Variants in PCDHA5 observed in about 807,000 individuals in gnomAD.
PCDHA5 encodes protocadherin alpha 5.
In PCDHA5, 43 loss-of-function variants were observed where a neutral mutation model predicts 61.6. That is an observed-to-expected ratio of 0.70 (90% CI 0.55 to 0.90). PCDHA5 has a LOEUF of 0.90. Among genes scored for constraint, PCDHA5 ranks in the 40% least tolerant of loss-of-function variants. PCDHA5 has a pLI of 0.00. For missense variants in PCDHA5, 1,298 were observed against 1,222.7 expected, an observed-to-expected ratio of 1.06 and a Z score of -0.92; for synonymous variants, 627 against 543.9, an observed-to-expected ratio of 1.15 and a Z score of -2.13.
At chr5:140,876,168 C>A in intron 1 of PCDHA5, 5 of 1,613,918 alleles carry the variant, frequency 3.1e-6, no homozygotes, top group Non-Finnish European at 4.2e-6. Context: ...AAATAACCGT[C>A]CTGGATGTGA....
chr5:140,823,803 G>A lies in PCDHA5; in HGVS notation c.2028G>A (p.Lys676=). 4 of 1,613,842 alleles carry A rather than the reference G, an allele frequency of 2.5e-6. No homozygotes were observed. The highest frequency in any genetic ancestry group is 1.1e-5 in the South Asian group (1 of 91,070). Residue 676 remains lysine, a synonymous_variant, in exon 1 of 4, where the codon AAG becomes AAA. Coordinates refer to ENST00000529859, the MANE Select transcript of PCDHA5 (RefSeq NM_018908.3). ...TGGTGGAAAGTGGCCAGGCGCCGAA[G>A]GCCTCATCGCGGGCGTCGGCGGGCG... ...VSLVESGQAP[K]ASSRASAGAV... is the part of the protein sequence containing the mutation.
intron 1 of PCDHA5, among the ~76,000 whole-genome samples, chr5:140,931,837 G>A (rs1422066331): frequency 6.6e-6 from 1 of 151,798 alleles, no homozygotes; most frequent in Non-Finnish European, 1.5e-5. Flanking sequence ...TATCCTGAAT[G>A]CCTTAATAAC....
At chr5:140,876,567 G>A (rs782286416) in intron 1 of PCDHA5, 1 of 1,614,186 alleles carries the variant, frequency 6.2e-7, no homozygotes, top group Non-Finnish European at 8.5e-7. Context: ...ATGCTCAGGT[G>A]GGTACCGTCA....
intron 1 of PCDHA5, chr5:140,834,324 A>G: frequency 6.9e-7 from 1 of 1,445,086 alleles, no homozygotes; most frequent in Non-Finnish European, 9.4e-7. Context: ...AGGGATAAAA[A>G]CATTCCTATA....
chr5:140,965,990 G>A (rs1292240100), intron 1 of PCDHA5, among the ~76,000 whole-genome samples: 4 of 152,194 alleles, frequency 2.6e-5, no homozygotes, highest in African/African-American at 9.6e-5. Context: ...ACTTTCTGCA[G>A]TACTTAAGAG....
intron 3 of PCDHA5, among the ~76,000 whole-genome samples, chr5:140,989,495 A>G (rs1408191575): frequency 6.6e-6 from 1 of 152,136 alleles, no homozygotes; most frequent in African/African-American, 2.4e-5. Context: ...AACAAGAAAG[A>G]CCTGCTTATA....
At chr5:140,895,080 C>T (rs537991545) in intron 1 of PCDHA5, among the ~76,000 whole-genome samples, 11 of 152,246 alleles carry the variant, frequency 7.2e-5, no homozygotes, top group Admixed American at 1.3e-4. Context: ...CTATCAGTTC[C>T]TCCTCAGTAT....
intron 1 of PCDHA5, among the ~76,000 whole-genome samples, chr5:140,912,581 T>C (rs2075985656): frequency 6.6e-6 from 1 of 152,178 alleles, no homozygotes; most frequent in Admixed American, 6.5e-5. Flanking sequence ...CTTTTCCAAT[T>C]TGGATGCCCT....
At chr5:140,829,959 G>A (rs2150178613) in intron 1 of PCDHA5, 1 of 1,613,960 alleles carries the variant, frequency 6.2e-7, no homozygotes, top group Non-Finnish European at 8.5e-7. Flanking sequence ...TTCCCGTTTC[G>A]CGTGGGGCTG....
At chr5:140,967,102 G>A (rs1279026258) in intron 1 of PCDHA5, 1 of 1,612,978 alleles carries the variant, frequency 6.2e-7, no homozygotes, top group African/African-American at 1.3e-5. Context: ...CGCTGTGTGA[G>A]CAGCGGCCTC....
intron 1 of PCDHA5, chr5:140,855,987 T>A: frequency 1.4e-6 from 2 of 1,480,818 alleles, no homozygotes; most frequent in Non-Finnish European, 1.8e-6. Flanking sequence ...ACAGAAAATG[T>A]CAGATCGTAT....
At chr5:140,884,833 C>A in intron 1 of PCDHA5, 2 of 916,632 alleles carry the variant, frequency 2.2e-6, no homozygotes, top group Non-Finnish European at 3.1e-6. Context: ...GTTGGATTAT[C>A]CTTCAGAGTG....
intron 1 of PCDHA5, among the ~76,000 whole-genome samples, chr5:140,936,024 C>T (rs536876826): frequency 1.4e-4 from 22 of 151,890 alleles, no homozygotes; most frequent in African/African-American, 4.6e-4. Flanking sequence ...TCCCGAGTAG[C>T]GGGGATTACA....
intron 1 of PCDHA5, chr5:140,856,066 C>A: frequency 6.3e-7 from 1 of 1,589,756 alleles, no homozygotes; most frequent in Non-Finnish European, 8.6e-7. Flanking sequence ...CCAGATGTAG[C>A]TGCCTGGGGG....
chr5:140,855,356 T>C (rs892931539), intron 1 of PCDHA5, among the ~76,000 whole-genome samples: 1 of 149,998 alleles, frequency 6.7e-6, no homozygotes, highest in African/African-American at 2.4e-5. Context: ...GTCATGTGGC[T>C]AGTGAGTAGG....
Position 140,882,921 on chromosome 5 carries a change from G to A in PCDHA5, c.2352+58794G>A, listed in dbSNP as rs1554176106. ...TTATTACTGACAGCCAGTGATGGAG[G>A]TAAACCCGAGCTGACTGGCACAGTT... On this transcript the variant is annotated intron_variant, in intron 1 of 3. Coordinates refer to ENST00000529859, the MANE Select transcript of PCDHA5 (RefSeq NM_018908.3). 5.0e-6 allele frequency: 8 copies of A among 1,614,194 alleles called. No individual in the cohort carries two copies. Among genetic ancestry groups the A allele is most frequent in the Non-Finnish European group, 6.8e-6 (8 of 1,180,048 alleles).
chr5:140,862,756 G>C (rs1027587772), intron 1 of PCDHA5: 46 of 577,592 alleles, frequency 8.0e-5, no homozygotes, highest in Non-Finnish European at 1.4e-4. Context: ...CGCGGAGAGC[G>C]GCAAGAGGTA....
chr5:140,859,389 T>C (rs1554152298), intron 1 of PCDHA5: 1 of 268,430 alleles, frequency 3.7e-6, no homozygotes, highest in Non-Finnish European at 6.7e-6. Context: ...TCTCTAGTCA[T>C]CTTAAACAGG....
In PCDHA5 at chr5:140,929,288, G is replaced by A. The variant is rs386352346; in HGVS notation, c.2353-49661G>A. 3.1e-6 allele frequency: 5 copies of A among 1,597,514 alleles called. No homozygotes were observed. Among genetic ancestry groups the A allele is most frequent in the Non-Finnish European group, 3.4e-6 (4 of 1,168,792 alleles). On this transcript the variant is annotated intron_variant, in intron 1 of 3. Transcript: ENST00000529859. ...TTGCCAATATCCTGTATTCAGATTC[G>A]GAATAGGAAAGGGGATCACGCTAAT... is the stretch of plus-strand genomic sequence containing the variant.
Sources: gnomAD v4.1 joint callset for allele counts (sites outside exome capture counted in the v4.1 genomes callset) on GRCh38, gnomAD v4.1.1 for gene constraint, MANE v1.5 for transcripts, NCBI Gene and HGNC (gene_info 2026-07-23, HGNC 2026-07-21) for gene names.